Variants in TANC1 observed in about 807,000 individuals in gnomAD.
The protein encoded by TANC1 is protein TANC1.
Under a neutral mutation model 149.7 loss-of-function variants are expected in TANC1, and 77 were observed. The ratio of observed to expected loss-of-function variants is 0.51; its 90% CI spans 0.43 to 0.62. The LOEUF is 0.62. Ranked by LOEUF, TANC1 falls within the 20% of genes least tolerant of loss-of-function variation. The pLI, the probability that TANC1 is intolerant of heterozygous loss-of-function variation, is 0.00. For synonymous variants in TANC1, 854 were observed against 925.0 expected (o/e 0.92, Z 1.39); for missense variants, 1,985 against 2,321.8 (o/e 0.85, Z 2.98).
In TANC1 at chr2:159,232,632, C is replaced by T. The variant is rs547526149; in HGVS notation, c.*1620C>T. On this transcript the variant is annotated 3_prime_UTR_variant, in exon 27 of 27. Transcript: ENST00000263635. ...GTTTCTGCACAACTACTGTACTTTT[C>T]CATATGGAATAAAGACTATTAATAG... 3.9e-5 allele frequency: 6 copies of T among 152,652 alleles called. No individual in the cohort carries two copies. The highest frequency in any genetic ancestry group is 1.4e-4 in the African/African-American group (6 of 41,534). The allele number at this position is 152,652 out of a possible 1,614,324, so 9.5% of individuals were successfully genotyped here. A position where few individuals can be genotyped will look rare whatever the true frequency, so the allele number is the denominator to read the frequency against.
chr2:158,980,468 A>G (rs192123806), intron 1 of TANC1, among the ~76,000 whole-genome samples: 99 of 152,274 alleles, frequency 6.5e-4, no homozygotes, highest in African/African-American at 2.1e-3. Context: ...TACAATTAAC[A>G]ATAATTTAAA....
intron 4 of TANC1, among the ~76,000 whole-genome samples, chr2:159,123,517 T>C (rs1279328616): frequency 2.6e-5 from 4 of 151,854 alleles, no homozygotes; most frequent in African/African-American, 7.2e-5. Context: ...CACCTCCCCA[T>C]ATCTCCCTTC....
intron 19 of TANC1, among the ~76,000 whole-genome samples, chr2:159,207,871 A>G (rs181144200): frequency 4.1e-4 from 63 of 152,150 alleles, no homozygotes; most frequent in African/African-American, 1.4e-3. Flanking sequence ...TGAATTTATG[A>G]ATATGGAGGA....
chr2:159,153,415 T>A (rs1574988816), intron 7 of TANC1, among the ~76,000 whole-genome samples: 1 of 152,170 alleles, frequency 6.6e-6, no homozygotes, highest in African/African-American at 2.4e-5. Flanking sequence ...GGCTGGTAAG[T>A]CCCTCTCATC....
At chr2:159,158,803 A>G (rs2053696965) in intron 7 of TANC1, among the ~76,000 whole-genome samples, 1 of 152,242 alleles carries the variant, frequency 6.6e-6, no homozygotes, top group Admixed American at 6.5e-5. Context: ...TTATAAAGAC[A>G]AAAATGTCCA....
intron 5 of TANC1, 146 bp downstream of exon 5, chr2:159,136,444 ATC>A: frequency 3.3e-6 from 2 of 604,010 alleles, no homozygotes; most frequent in Middle Eastern, 3.6e-4. Context: ...AGTTACAGAG[ATC>A]TGTTTGGCTA....
intron 22 of TANC1, among the ~76,000 whole-genome samples, chr2:159,223,386 T>C (rs2059822708): frequency 2.6e-5 from 4 of 152,220 alleles, no homozygotes. Context: ...TGATCATTTT[T>C]GTAGAAATCT....
rs534805002 is a variant in TANC1, at chr2:159,190,685, G to A, written c.2743-3572G>A. Among the ~76,000 whole-genome samples, 15 of 152,228 alleles carry A rather than the reference G, an allele frequency of 9.9e-5. No homozygotes were observed. In the South Asian group the frequency reaches 2.9e-3, roughly 29 times the overall value. On this transcript the variant is annotated intron_variant, in intron 16 of 26. Transcript: ENST00000263635. Reference sequence around the variant, plus strand: ...TCCTGCCTCAGCCTCCCGAGTAGCCGGGATTACAGGCGTGTGCCACCGCAA... The same window carrying A: ...TCCTGCCTCAGCCTCCCGAGTAGCCAGGATTACAGGCGTGTGCCACCGCAA...
intron 8 of TANC1, among the ~76,000 whole-genome samples, chr2:159,165,164 A>G (rs1377213891): frequency 6.6e-6 from 1 of 152,222 alleles, no homozygotes; most frequent in African/African-American, 2.4e-5. Flanking sequence ...TGTTAAAAGC[A>G]TCCCATTTGG....
chr2:159,128,565 G>A (rs984292171), intron 4 of TANC1, among the ~76,000 whole-genome samples: 2 of 152,164 alleles, frequency 1.3e-5, no homozygotes, highest in Non-Finnish European at 2.9e-5. Flanking sequence ...ATCTTCCCAA[G>A]AGGCTCTTAC....
chr2:159,022,830 T>C (rs1230956935), intron 2 of TANC1, among the ~76,000 whole-genome samples: 1 of 152,144 alleles, frequency 6.6e-6, no homozygotes. Flanking sequence ...GCACACAGGC[T>C]TTGTAGCTCG....
intron 2 of TANC1, among the ~76,000 whole-genome samples, chr2:159,047,385 A>G (rs560803784): frequency 6.6e-6 from 1 of 152,186 alleles, no homozygotes; most frequent in South Asian, 2.1e-4. Flanking sequence ...TTCCTAAATA[A>G]AGAAGGAAAA....
intron 8 of TANC1, among the ~76,000 whole-genome samples, chr2:159,167,431 T>A (rs2054716815): frequency 6.6e-6 from 1 of 152,226 alleles, no homozygotes; most frequent in African/African-American, 2.4e-5. Context: ...TACACCCTAC[T>A]TATGAAGGGC....
intron 2 of TANC1, among the ~76,000 whole-genome samples, chr2:159,023,228 A>G (rs755352434): frequency 5.3e-5 from 8 of 152,192 alleles, no homozygotes; most frequent in Non-Finnish European, 1.2e-4. Context: ...ATAAAAGGAC[A>G]TTCTAGGTAG....
intron 19 of TANC1, among the ~76,000 whole-genome samples, chr2:159,216,697 C>T (rs1486308718): frequency 6.6e-6 from 1 of 152,164 alleles, no homozygotes; most frequent in Non-Finnish European, 1.5e-5. Flanking sequence ...AGCTGACTTC[C>T]CGCAGCACCA....
At chr2:159,004,156 A>T in intron 2 of TANC1, 1 of 1,612,518 alleles carries the variant, frequency 6.2e-7, no homozygotes, top group Admixed American at 1.7e-5. Flanking sequence ...ATATTAAGTC[A>T]GCTTGGTGCT....
chr2:159,211,947 G>A (rs1369768951), intron 19 of TANC1, among the ~76,000 whole-genome samples: 1 of 152,208 alleles, frequency 6.6e-6, no homozygotes, highest in Non-Finnish European at 1.5e-5. Flanking sequence ...TGCCATGCCC[G>A]GGGTGGCGCA....
rs1460039970 is a variant in TANC1 at position 159,104,412 on chromosome 2, C to A, written c.259+6578C>A. ...TACGTTCAGAGACTCAGATTAAATG[C>A]ATATGAAGTATGGTCTGGACATTGG... On this transcript the variant is annotated intron_variant, in intron 4 of 26. Coordinates refer to ENST00000263635, the MANE Select transcript of TANC1 (RefSeq NM_033394.3). Among the ~76,000 whole-genome samples the A allele has an allele frequency of 1.3e-4, 12 of 95,962 alleles. 5 individuals are homozygous for A. Among genetic ancestry groups the A allele is most frequent in the Admixed American group, 8.9e-4 (8 of 8,980 alleles). The allele number at this position is 95,962 out of a possible 152,430, so 63.0% of individuals were successfully genotyped here.
At position 159,232,375 on chromosome 2, in the gene TANC1, G is replaced by A. The variant is rs2060364088; in HGVS notation, c.*1363G>A. 1 of 152,568 alleles carries A rather than the reference G, an allele frequency of 6.6e-6. No individual in the cohort carries two copies. The highest frequency in any genetic ancestry group is 2.1e-4 in the South Asian group (1 of 4,824). 9.5% of individuals were successfully genotyped at this position (152,568 alleles called of 1,614,324 possible). A position where few individuals can be genotyped will look rare whatever the true frequency, so the allele number is the denominator to read the frequency against. ...TTGAGGAGAAGGAAGTTATATATTT[G>A]CAGAATGTTTTAAAGTGAATTGTTG... On this transcript the variant is annotated 3_prime_UTR_variant, in exon 27 of 27. Transcript: ENST00000263635.
Sources: allele counts gnomAD v4.1 joint callset (sites outside exome capture counted in the v4.1 genomes callset), GRCh38; gene constraint gnomAD v4.1.1; transcripts MANE v1.5; gene names NCBI Gene and HGNC (gene_info 2026-07-23, HGNC 2026-07-21).